Variants in THRB observed in about 807,000 individuals in gnomAD.
THRB encodes nuclear receptor subfamily 1 group A member 2.
Under a neutral mutation model 47.8 loss-of-function variants are expected in THRB, and 12 were observed. That is an observed-to-expected ratio of 0.25 (90% CI 0.16 to 0.41). The LOEUF (loss-of-function observed/expected upper bound fraction) is 0.41. Among genes scored for constraint, THRB ranks in the 10% least tolerant of loss-of-function variants. THRB has a pLI of 1.00. For synonymous variants in THRB, 218 were observed against 212.2 expected (o/e 1.03, Z -0.24); for missense variants, 348 against 589.2 (o/e 0.59, Z 4.24).
At chr3:24,430,030 A>G (rs1030686705) in intron 1 of THRB, 1 of 152,060 alleles carries the variant, frequency 6.6e-6, no homozygotes, top group Non-Finnish European at 1.5e-5. Flanking sequence ...CTTCACTCCC[A>G]TTATTCACTG....
intron 3 of THRB, among the ~76,000 whole-genome samples, chr3:24,230,157 A>G (rs939097805): frequency 3.3e-5 from 5 of 152,206 alleles, no homozygotes; most frequent in African/African-American, 1.2e-4. Context: ...ACACAGATTT[A>G]TACATAGCCA....
chr3:24,235,688 C>A (rs9829876), intron 3 of THRB, among the ~76,000 whole-genome samples: 1 of 151,702 alleles, frequency 6.6e-6, no homozygotes. Flanking sequence ...ATGAGTGTGA[C>A]GTTATTACAT....
At chr3:24,455,611 T>C (rs898493883) in intron 1 of THRB, among the ~76,000 whole-genome samples, 2 of 152,330 alleles carry the variant, frequency 1.3e-5, no homozygotes, top group Non-Finnish European at 2.9e-5. Context: ...CAGATAAGCA[T>C]TTGACCTCAA....
intron 5 of THRB, among the ~76,000 whole-genome samples, chr3:24,175,369 C>T (rs760417809): frequency 7.9e-5 from 12 of 152,000 alleles, no homozygotes; most frequent in South Asian, 2.1e-4. Context: ...TCTGGGATAA[C>T]GATCAAGGGT....
At chr3:24,191,339 GCTA>G (rs2043311857) in intron 4 of THRB, among the ~76,000 whole-genome samples, 1 of 151,480 alleles carries the variant, frequency 6.6e-6, no homozygotes, top group South Asian at 2.1e-4. Flanking sequence ...AAATTCTTAA[GCTA>G]CTGTTTGTCA....
Position 24,132,442 on chromosome 3 carries a change from G to GC in THRB, c.885+873dup, listed in dbSNP as rs1408099241. 2.6e-5 allele frequency among the ~76,000 whole-genome samples: 4 copies of GC among 152,162 alleles called. No homozygotes were observed. In the East Asian group the frequency reaches 7.7e-4, roughly 29 times the overall value. On this transcript the variant is annotated intron_variant, in intron 9 of 10. Coordinates refer to ENST00000646209, the MANE Select transcript of THRB (RefSeq NM_001354712.2). Reference sequence around the variant, plus strand: ...CTATGGAATACTTATTATAACCCAGGCACTGTCTAATCACTTTACAAATAT... The same window carrying GC: ...CTATGGAATACTTATTATAACCCAGGCCACTGTCTAATCACTTTACAAATAT...
intron 7 of THRB, 33 bp from the exon 8 acceptor site, chr3:24,143,739 C>G (rs111658225): frequency 7.5e-6 from 12 of 1,608,130 alleles, no homozygotes; most frequent in Non-Finnish European, 1.0e-5. Flanking sequence ...ACAAGGCACA[C>G]AGATGCTCCC....
chr3:24,198,851 T>G (rs1192141287), intron 4 of THRB, among the ~76,000 whole-genome samples: 1 of 152,110 alleles, frequency 6.6e-6, no homozygotes, highest in African/African-American at 2.4e-5. Flanking sequence ...ATTGTTAGAC[T>G]CATGGAGGCA....
intron 1 of THRB, chr3:24,459,329 T>C (rs532203527): frequency 2.7e-4 from 41 of 152,380 alleles, no homozygotes; most frequent in African/African-American, 9.4e-4. Context: ...TTCCATGGTG[T>C]ATATGTGCCA....
intron 5 of THRB, among the ~76,000 whole-genome samples, chr3:24,163,789 C>T (rs1193367086): frequency 6.6e-6 from 1 of 151,770 alleles, no homozygotes; most frequent in Admixed American, 6.6e-5. Context: ...TGCTGTAATC[C>T]CCTTAATATT....
intron 1 of THRB, among the ~76,000 whole-genome samples, chr3:24,361,043 C>T (rs1007259787): frequency 2.0e-5 from 3 of 152,098 alleles, no homozygotes; most frequent in Non-Finnish European, 4.4e-5. Context: ...CAGAGGAATG[C>T]TAAGTGTCCT....
intron 1 of THRB, among the ~76,000 whole-genome samples, chr3:24,442,925 A>G (rs1003063553): frequency 6.6e-6 from 1 of 152,046 alleles, no homozygotes; most frequent in African/African-American, 2.4e-5. Context: ...GCTCACGTCT[A>G]TAATCCCAGC....
At chr3:24,277,721 C>T (rs1442013320) in intron 3 of THRB, among the ~76,000 whole-genome samples, 6 of 152,108 alleles carry the variant, frequency 3.9e-5, no homozygotes, top group Admixed American at 2.6e-4. Context: ...TAGAATTAAG[C>T]TAGTTATAAA....
At chr3:24,226,683 C>G (rs1376724633) in intron 4 of THRB, among the ~76,000 whole-genome samples, 1 of 152,138 alleles carries the variant, frequency 6.6e-6, no homozygotes, top group Non-Finnish European at 1.5e-5. Context: ...TGACTCAGAC[C>G]TGGGGGCTCT....
At chr3:24,172,917 T>G (rs2040617193) in intron 5 of THRB, among the ~76,000 whole-genome samples, 1 of 152,186 alleles carries the variant, frequency 6.6e-6, no homozygotes, top group South Asian at 2.1e-4. Context: ...TACCACAAAC[T>G]TAGCTACAGC....
At chr3:24,350,550 C>T (rs1461306807) in intron 1 of THRB, among the ~76,000 whole-genome samples, 1 of 152,080 alleles carries the variant, frequency 6.6e-6, no homozygotes, top group African/African-American at 2.4e-5. Flanking sequence ...ATATGCCAGA[C>T]ACAAGAAAGT....
At chr3:24,146,906 T>A (rs894756495) in intron 6 of THRB, 84 bp from the exon 7 acceptor site, 17 of 1,300,004 alleles carry the variant, frequency 1.3e-5, no homozygotes, top group Non-Finnish European at 1.7e-5. Context: ...CATATAACTA[T>A]GAGATGAATC....
chr3:24,257,845 C>G (rs1465582676), intron 3 of THRB, among the ~76,000 whole-genome samples: 2 of 152,244 alleles, frequency 1.3e-5, no homozygotes, highest in Non-Finnish European at 2.9e-5. Context: ...CTTGAGCATT[C>G]TAGCAGAGGC....
chr3:24,145,108 G>A (rs2035921867), intron 7 of THRB, among the ~76,000 whole-genome samples: 1 of 151,436 alleles, frequency 6.6e-6, no homozygotes, highest in Non-Finnish European at 1.5e-5. Context: ...TAAAGGGAAA[G>A]GAGGAATGGT....
Sources: allele counts gnomAD v4.1 joint callset (sites outside exome capture counted in the v4.1 genomes callset), GRCh38; gene constraint gnomAD v4.1.1; transcripts MANE v1.5; gene names NCBI Gene and HGNC (gene_info 2026-07-23, HGNC 2026-07-21).